SMG8: variants seen among roughly 807,000 people sequenced by gnomAD.
SMG8 encodes SMG8 nonsense mediated mRNA decay factor.
In SMG8, 49 loss-of-function variants were observed where a neutral mutation model predicts 82.1. The observed-to-expected ratio is 0.60, with a 90% CI of 0.47 to 0.76. SMG8 has a LOEUF of 0.76. Among genes scored for constraint, SMG8 ranks in the 30% least tolerant of loss-of-function variants. The probability of loss-of-function intolerance (pLI) is 0.00; values close to 1 mark genes in which losing one functional copy is unlikely to be tolerated. For missense variants in SMG8, 969 were observed against 1,166.4 expected (o/e 0.83, Z 2.46); for synonymous variants, 404 against 430.0 (o/e 0.94, Z 0.75).
intron 1 of SMG8, 54 bp from the exon 2 acceptor site, chr17:59,212,287 A>G (rs2046949005): frequency 6.8e-7 from 1 of 1,479,554 alleles, no homozygotes; most frequent in African/African-American, 1.4e-5. Flanking sequence ...TAGAATGCAA[A>G]GTAAATTCGC....
Position 59,212,346 on chromosome 17 carries a change from A to G in SMG8, c.1765A>G (p.Lys589Glu). Residue 589 changes from lysine (K) to glutamate (E), a missense_variant, in exon 2 of 4, where the codon AAA becomes GAA. Around this residue, in one of 3 missense-constraint regions of SMG8, gnomAD observed 662 missense variants for 884.8 expected, o/e 0.75. Transcript: ENST00000300917. ...KFHSLPKSGE[K>E]PEADRNPPVL... ...GTGGCTGTTATATTTTCCAGGAGAA[A>G]AACCAGAGGCTGATAGAAATCCGCC... 2 of 1,558,006 alleles carry G rather than the reference A, an allele frequency of 1.3e-6. No individual in the cohort carries two copies. Among genetic ancestry groups the G allele is most frequent in the Non-Finnish European group, 1.7e-6 (2 of 1,143,224 alleles).
rs1251387827 is a variant in SMG8, at chr17:59,214,876, C to G, written c.2850C>G (p.Gly950=). 2.3e-6 allele frequency: 2 copies of G among 872,954 alleles called. No homozygotes were observed. The highest frequency in any genetic ancestry group is 4.0e-6 in the Non-Finnish European group (2 of 501,684). 54.1% of individuals were successfully genotyped at this position (872,954 alleles called of 1,614,324 possible). Reference sequence around the variant, plus strand: ...AAGAAATCACCCTTCCACCTGATGGCCTTTGGGTTTTGAGATTTCCTTATG... The same window carrying G: ...AAGAAATCACCCTTCCACCTGATGGGCTTTGGGTTTTGAGATTTCCTTATG... ...EKQEITLPPD[G]LWVLRFPYAY... Residue 950 remains glycine (G), a synonymous_variant, in exon 4 of 4, where the codon GGC becomes GGG. Transcript: ENST00000300917.
At position 59,211,450 on chromosome 17, in the gene SMG8, T is replaced by C. The variant is rs1265699610; in HGVS notation, c.1399T>C (p.Leu467=). 1.2e-6 allele frequency: 2 copies of C among 1,614,210 alleles called. No homozygotes were observed. Among genetic ancestry groups the C allele is most frequent in the South Asian group, 2.2e-5 (2 of 91,086 alleles). ...EVAIDGKEED[L]GSPTGELTSK... ...GGCTATTGATGGGAAAGAAGAGGAC[T>C]TGGGGTCACCCACTGGAGAGCTAAC... The change falls in exon 1 of 4, where the codon TTG becomes CTG. Residue 467 remains leucine (L), a synonymous_variant. Coordinates refer to ENST00000300917, the MANE Select transcript of SMG8 (RefSeq NM_018149.7).
rs1468243558 is a variant in SMG8, at chr17:59,214,957, G to T, written c.2931G>T (p.Met977Ile). The T allele has an allele frequency of 1.1e-6, 1 of 872,894 alleles. No individual in the cohort carries two copies. The allele number at this position is 872,894 out of a possible 1,614,324, so 54.1% of individuals were successfully genotyped here. Residue 977 changes from methionine to isoleucine, a missense_variant, in exon 4 of 4, where the codon ATG (methionine) becomes ATT (isoleucine). By Grantham distance (10) the Met-to-Ile change is conservative. This residue lies in a region of SMG8 where 101 missense variants were observed against 91.1 expected (regional missense o/e 1.11). Transcript: ENST00000300917. ...CCCCTAAGGAAAATGTGCAGTTAAT[G>T]AGCTACAAGGTGCTCCGTGGGGTTC... Reference protein sequence around the residue: ...CFPPKENVQLMSYKVLRGVLK... With the variant: ...CFPPKENVQLISYKVLRGVLK...
At position 59,213,300 on chromosome 17, in the gene SMG8, G is replaced by A; in HGVS notation, c.2477G>A (p.Gly826Glu). 1 of 1,614,164 alleles carries A rather than the reference G, an allele frequency of 6.2e-7. No individual in the cohort carries two copies. Among genetic ancestry groups the A allele is most frequent in the Non-Finnish European group, 8.5e-7 (1 of 1,180,020 alleles). The change falls in exon 3 of 4, where the codon GGA (glycine) becomes GAA (glutamate). Residue 826 changes from glycine to glutamate, a missense_variant. Physicochemically the swap from Gly to Glu is moderately conservative, Grantham distance 98. Coordinates refer to ENST00000300917, the MANE Select transcript of SMG8 (RefSeq NM_018149.7). ...SWPAPNKAIP[G>E]KRSAVVMGRG... ...CCTGCTCCAAATAAAGCTATTCCTGGAAAGAGAAGTGCGGTTGTAATGGGA... is the reference window on the plus strand; with the variant it reads ...CCTGCTCCAAATAAAGCTATTCCTGAAAAGAGAAGTGCGGTTGTAATGGGA...
At chr17:59,214,526 C>G (rs2046959087) in intron 3 of SMG8, among the ~76,000 whole-genome samples, 1 of 152,028 alleles carries the variant, frequency 6.6e-6, no homozygotes, top group Admixed American at 6.6e-5. Flanking sequence ...TCTCCTGCCC[C>G]AGCCTCCCCA....
At chr17:59,211,956 T>C in intron 1 of SMG8, 146 bp downstream of exon 1, 1 of 663,640 alleles carries the variant, frequency 1.5e-6, no homozygotes, top group Non-Finnish European at 2.3e-6. Context: ...TTTTCTCTCC[T>C]GCTGTAAAAG....
Position 59,211,817 on chromosome 17 carries a change from A to C in SMG8, c.1759+7A>C. The C allele has an allele frequency of 6.6e-7, 1 of 1,512,864 alleles. No individual in the cohort carries two copies. Among genetic ancestry groups the C allele is most frequent in the Non-Finnish European group, 8.8e-7 (1 of 1,137,534 alleles). The allele number at this position is 1,512,864 out of a possible 1,614,324, so 93.7% of individuals were successfully genotyped here. Reference sequence around the variant, plus strand: ...CACTCATTACCTAAATCAGGTAGCTAAAATTTGTTCAGCATTTTGAAATAA... The same window carrying C: ...CACTCATTACCTAAATCAGGTAGCTCAAATTTGTTCAGCATTTTGAAATAA... On this transcript the variant is annotated splice_region_variant and intron_variant, in intron 1 of 3. Transcript: ENST00000300917.
intron 3 of SMG8, among the ~76,000 whole-genome samples, chr17:59,214,470 G>A: frequency 6.6e-6 from 1 of 152,038 alleles, no homozygotes; most frequent in East Asian, 1.9e-4. Context: ...GAGGGCAGTG[G>A]TGCAATCTCA....
At position 59,211,244 on chromosome 17, in the gene SMG8, G is replaced by A. The variant is rs146930347; in HGVS notation, c.1193G>A (p.Ser398Asn). The A allele has an allele frequency of 3.1e-5, 50 of 1,614,216 alleles. No individual in the cohort carries two copies. The African/African-American group carries it at 5.7e-4, about 18-fold the overall frequency. Reference sequence around the variant, plus strand: ...CTTTCCTTTCACATTGACAGCAGCAGTTCCAGTTCTTCAGGCCAGCTAGTG... The same window carrying A: ...CTTTCCTTTCACATTGACAGCAGCAATTCCAGTTCTTCAGGCCAGCTAGTG... The part of the protein sequence containing the change: ...QQLSFHIDSS[S>N]SSSSGQLVDF... The change falls in exon 1 of 4, where the codon AGT (serine) becomes AAT (asparagine). Residue 398 changes from serine to asparagine, a missense_variant. Coordinates refer to ENST00000300917, the MANE Select transcript of SMG8 (RefSeq NM_018149.7).
chr17:59,212,599 A>G, intron 2 of SMG8, 113 bp downstream of exon 2: 1 of 1,462,984 alleles, frequency 6.8e-7, no homozygotes. Context: ...CAACTGCAGT[A>G]TAATATATAA....
chr17:59,210,445 T>TCCCAGGACTACAGCCTTCTGCAGGCC lies in SMG8; in HGVS notation c.395_420dup (p.Tyr141ProfsTer102). On this transcript the variant is annotated frameshift_variant, in exon 1 of 4. Transcript: ENST00000300917. LOFTEE classifies it high-confidence loss of function. ...GGAAGGTAACCGAACTGAGGCAGGC[T>TCCCAGGACTACAGCCTTCTGCAGGCC]CCCAGGACTACAGCCTTCTGCAGGC... The TCCCAGGACTACAGCCTTCTGCAGGCC allele has an allele frequency of 6.2e-7, 1 of 1,608,644 alleles. No individual in the cohort carries two copies. Among genetic ancestry groups the TCCCAGGACTACAGCCTTCTGCAGGCC allele is most frequent in the South Asian group, 1.1e-5 (1 of 90,320 alleles).
At position 59,213,098 on chromosome 17, in the gene SMG8, C is replaced by T. The variant is rs2046952729; in HGVS notation, c.2275C>T (p.Leu759Phe). ...GMLHSNCPKG[L>F]LPKFSSWSLV... ...GCTACATTCAAATTGCCCTAAAGGTCTCCTACCCAAATTCTCCAGCTGGTC... is the reference window on the plus strand; with the variant it reads ...GCTACATTCAAATTGCCCTAAAGGTTTCCTACCCAAATTCTCCAGCTGGTC... The change falls in exon 3 of 4, where the codon CTC becomes TTC. Residue 759 changes from leucine (L) to phenylalanine (F), a missense_variant. By Grantham distance (22) the Leu-to-Phe change is conservative (BLOSUM62 0). Coordinates refer to ENST00000300917, the MANE Select transcript of SMG8 (RefSeq NM_018149.7). The T allele has an allele frequency of 6.2e-7, 1 of 1,614,094 alleles. No individual in the cohort carries two copies.
Position 59,211,295 on chromosome 17 carries a change from G to A in SMG8, c.1244G>A (p.Trp415Ter), listed in dbSNP as rs2046944907. The change falls in exon 1 of 4, where the codon TGG (tryptophan) becomes TAG (stop). Residue 415 changes from tryptophan (W) to a stop codon, truncating the protein, a stop_gained. Transcript: ENST00000300917. LOFTEE classifies it high-confidence loss of function. The part of the protein sequence containing the change: ...LVDFTLREFL[W>*]QHVELVLSKK... ...GATTTCACTCTTCGGGAATTCCTAT[G>A]GCAGCATGTGGAGCTAGTTCTAAGC... 6.2e-7 allele frequency: 1 copy of A among 1,613,978 alleles called. No individual in the cohort carries two copies.
chr17:59,210,986 T>C lies in SMG8; in HGVS notation c.935T>C (p.Phe312Ser). The C allele has an allele frequency of 6.2e-7, 1 of 1,614,184 alleles. No individual in the cohort carries two copies. Among genetic ancestry groups the C allele is most frequent in the East Asian group, 2.2e-5 (1 of 44,878 alleles). ...HALEDQIYRI[F>S]RKSRVLTNQS... ...CTGGAGGACCAGATCTATAGAATCT[T>C]CCGGAAGAGTCGTGTCTTGACTAAT... is the stretch of plus-strand genomic sequence containing the variant. The change falls in exon 1 of 4, where the codon TTC becomes TCC. Residue 312 changes from phenylalanine (F) to serine (S), a missense_variant. Transcript: ENST00000300917.
chr17:59,213,231 G>A lies in SMG8; in HGVS notation c.2408G>A (p.Arg803Lys). Residue 803 changes from arginine to lysine, a missense_variant, in exon 3 of 4, where the codon AGG (arginine) becomes AAG (lysine). Arg to Lys is a conservative substitution (Grantham distance 26, BLOSUM62 2). Around this residue, in one of 3 missense-constraint regions of SMG8, gnomAD observed 662 missense variants for 884.8 expected, o/e 0.75. Coordinates refer to ENST00000300917, the MANE Select transcript of SMG8 (RefSeq NM_018149.7). ...CTTATGCCTTGGGACATTGTCATCA[G>A]GACTAGAGCTGAAGATGAAGGAGAC... Reference protein sequence around the residue: ...NYLMPWDIVIRTRAEDEGDLD... With the variant: ...NYLMPWDIVIKTRAEDEGDLD... The A allele has an allele frequency of 6.2e-7, 1 of 1,614,212 alleles. No homozygotes were observed.
chr17:59,211,874 A>G (rs2046947218), intron 1 of SMG8, 64 bp downstream of exon 1: 2 of 1,390,738 alleles, frequency 1.4e-6, no homozygotes, highest in Non-Finnish European at 1.9e-6. Flanking sequence ...TTCTTGTTTT[A>G]AGATAGTCTG....
chr17:59,214,259 C>T (rs1337214157), intron 3 of SMG8, among the ~76,000 whole-genome samples: 1 of 151,898 alleles, frequency 6.6e-6, no homozygotes, highest in Admixed American at 6.6e-5. Flanking sequence ...TGCACTCCAG[C>T]CTGGGTGACT....
chr17:59,212,222 GCTT>G (rs1304818780), intron 1 of SMG8, 116 bp from the exon 2 acceptor site: 10 of 715,100 alleles, frequency 1.4e-5, no homozygotes, highest in African/African-American at 1.8e-5. Context: ...ACTTTCACTT[GCTT>G]CTTCTGTTAT....
Sources: allele counts gnomAD v4.1 joint callset (sites outside exome capture counted in the v4.1 genomes callset), GRCh38; gene constraint gnomAD v4.1.1; regional missense constraint gnomAD v4.1.1; transcripts MANE v1.5; gene names NCBI Gene and HGNC (gene_info 2026-07-23, HGNC 2026-07-21).